Variants in CTBP2 observed in about 807,000 individuals in gnomAD.
CTBP2 encodes C-terminal binding protein 2, also known as C-terminal-binding protein 2.
In CTBP2, 30 loss-of-function variants were observed where a neutral mutation model predicts 80.3. The ratio of observed to expected loss-of-function variants is 0.37; its 90% confidence interval spans 0.28 to 0.51. CTBP2 has a LOEUF of 0.51. CTBP2 is among the 20% of genes least tolerant of loss of function. The pLI, the probability that CTBP2 is intolerant of heterozygous loss-of-function variation, is 0.93. For missense variants in CTBP2, 1,212 were observed against 1,375.3 expected, an observed-to-expected ratio of 0.88 and a Z score of 1.88; for synonymous variants, 594 against 587.4, an observed-to-expected ratio of 1.01 and a Z score of -0.16.
chr10:125,152,648 A>G (rs1440017761), intron 1 of CTBP2, among the ~76,000 whole-genome samples: 2 of 152,224 alleles, frequency 1.3e-5, no homozygotes, highest in African/African-American at 4.8e-5. Context: ...GTAGGCACTT[A>G]TATGTGCATA....
intron 1 of CTBP2, among the ~76,000 whole-genome samples, chr10:125,149,711 CCTGTTTTT>C (rs1859476916): frequency 6.6e-6 from 1 of 152,208 alleles, no homozygotes; most frequent in Non-Finnish European, 1.5e-5. Context: ...TAAAGAAAAG[CCTGTTTTT>C]CAGGAAAACC....
intron 1 of CTBP2, among the ~76,000 whole-genome samples, chr10:125,020,371 C>T (rs991802266): frequency 1.7e-4 from 26 of 152,222 alleles, no homozygotes; most frequent in African/African-American, 6.0e-4. Context: ...GCCCCATGAC[C>T]TGCTTCCTGG....
chr10:124,989,912 T>A (rs1214012280), intron 8 of CTBP2, among the ~76,000 whole-genome samples: 1 of 152,056 alleles, frequency 6.6e-6, no homozygotes. Context: ...AGTTTTTGTA[T>A]TTTTTTGTAG....
chr10:125,153,629 A>C (rs1383499591), intron 1 of CTBP2, among the ~76,000 whole-genome samples: 2 of 152,162 alleles, frequency 1.3e-5, no homozygotes, highest in East Asian at 3.9e-4. Context: ...CGGCAGGTAC[A>C]ATACTATCAC....
intron 1 of CTBP2, among the ~76,000 whole-genome samples, chr10:125,120,138 C>A (rs778217973): frequency 2.0e-5 from 3 of 152,194 alleles, no homozygotes; most frequent in Non-Finnish European, 4.4e-5. Flanking sequence ...CTTGCCCCAG[C>A]GAGGATCTAG....
intron 2 of CTBP2, among the ~76,000 whole-genome samples, chr10:125,090,527 C>T (rs928236321): frequency 6.6e-6 from 1 of 150,916 alleles, no homozygotes; most frequent in Non-Finnish European, 1.5e-5. Context: ...CTTTGGGAGG[C>T]CAAGGTGGAA....
chr10:125,052,403 G>A (rs1962995840), intron 2 of CTBP2, among the ~76,000 whole-genome samples: 2 of 152,216 alleles, frequency 1.3e-5, no homozygotes, highest in African/African-American at 4.8e-5. Context: ...AGCCTCCTGA[G>A]AGGCTCAGAC....
At chr10:125,152,850 A>C (rs1051669214) in intron 1 of CTBP2, among the ~76,000 whole-genome samples, 3 of 152,218 alleles carry the variant, frequency 2.0e-5, no homozygotes, top group Non-Finnish European at 4.4e-5. Context: ...TCCGCAGGGC[A>C]GATAGAGCAA....
chr10:125,026,659 C>T lies in CTBP2; in HGVS notation c.1101G>A (p.Ala367=), dbSNP rs772339522. 2.2e-5 allele frequency: 35 copies of T among 1,597,760 alleles called. No individual in the cohort carries two copies. The highest frequency in any genetic ancestry group is 4.6e-5 in the East Asian group (2 of 43,786). Residue 367 remains alanine (A), a synonymous_variant, in exon 1 of 9, where the codon GCG becomes GCA. Transcript: ENST00000309035. ...TTCGGTGGCTGAAGCTGCTGGACCG[C>T]GCCCGGGGCAGCGGGCCCCCCCGGT...
intron 2 of CTBP2, among the ~76,000 whole-genome samples, chr10:125,076,438 G>T (rs1400371637): frequency 6.6e-6 from 1 of 152,196 alleles, no homozygotes; most frequent in Admixed American, 6.5e-5. Flanking sequence ...GGGTCCAGAA[G>T]ATCTCCTCTA....
intron 2 of CTBP2, among the ~76,000 whole-genome samples, chr10:125,102,694 T>A (rs919977475): frequency 3.3e-5 from 5 of 152,230 alleles, no homozygotes; most frequent in African/African-American, 1.2e-4. Context: ...AGGTTTTTTT[T>A]AACAAATGTG....
At chr10:125,025,098 A>G (rs1404728354) in intron 1 of CTBP2, among the ~76,000 whole-genome samples, 1 of 152,176 alleles carries the variant, frequency 6.6e-6, no homozygotes, top group Non-Finnish European at 1.5e-5. Flanking sequence ...GCTATTTTCA[A>G]AAAGGTAGAT....
chr10:125,131,353 A>G (rs1214505830), intron 1 of CTBP2, among the ~76,000 whole-genome samples: 1 of 152,218 alleles, frequency 6.6e-6, no homozygotes, highest in East Asian at 1.9e-4. Context: ...TCAGGCTTTA[A>G]GGGCACCTAG....
chr10:125,057,040 C>G (rs1964074955), intron 2 of CTBP2, among the ~76,000 whole-genome samples: 1 of 152,258 alleles, frequency 6.6e-6, no homozygotes, highest in African/African-American at 2.4e-5. Flanking sequence ...GCATGCCTCT[C>G]TGCCCTCTGG....
chr10:125,069,043 G>A (rs947269150), intron 2 of CTBP2, among the ~76,000 whole-genome samples: 1 of 152,020 alleles, frequency 6.6e-6, no homozygotes, highest in African/African-American at 2.4e-5. Context: ...CACAGGGCTG[G>A]GGTAGAGCTG....
At chr10:125,157,508 ATCTTT>A (rs1861140746) in intron 1 of CTBP2, among the ~76,000 whole-genome samples, 1 of 152,050 alleles carries the variant, frequency 6.6e-6, no homozygotes, top group African/African-American at 2.4e-5. Context: ...CAAACCCAAG[ATCTTT>A]TAATTCCCTC....
At chr10:125,014,235 T>C (rs1956240713) in intron 1 of CTBP2, among the ~76,000 whole-genome samples, 2 of 152,154 alleles carry the variant, frequency 1.3e-5, no homozygotes, top group Non-Finnish European at 2.9e-5. Context: ...CAGCAGGCAT[T>C]CATGGCCCCG....
At position 124,985,319 on chromosome 10, in the gene CTBP2, C is replaced by G; in HGVS notation, c.*4199G>C. The stretch of plus-strand genomic sequence containing the variant: ...TGTTTAATAGGAAAAGTTGTACCAG[C>G]ATCTTCATATTATTGAGAAAATTTT... On this transcript the variant is annotated 3_prime_UTR_variant, in exon 9 of 9. Coordinates refer to ENST00000309035, the MANE Select transcript of CTBP2 (RefSeq NM_022802.3). 5.0e-6 allele frequency: 1 copy of G among 201,028 alleles called. No individual in the cohort carries two copies. Among genetic ancestry groups the G allele is most frequent in the Non-Finnish European group, 1.0e-5 (1 of 100,288 alleles). The allele number at this position is 201,028 out of a possible 1,614,324, so 12.5% of individuals were successfully genotyped here. A position where few individuals can be genotyped will look rare whatever the true frequency, so the allele number is the denominator to read the frequency against.
At chr10:125,121,711 A>T (rs977441124) in intron 1 of CTBP2, among the ~76,000 whole-genome samples, 13 of 152,246 alleles carry the variant, frequency 8.5e-5, no homozygotes, top group African/African-American at 3.1e-4. Flanking sequence ...TCACAGTGCC[A>T]AACGAATACA....
Sources: gnomAD v4.1 joint callset for allele counts (sites outside exome capture counted in the v4.1 genomes callset) on GRCh38, gnomAD v4.1.1 for gene constraint, MANE v1.5 for transcripts, NCBI Gene and HGNC (gene_info 2026-07-23, HGNC 2026-07-21) for gene names.